Variants in PARP8 observed in about 807,000 individuals in gnomAD.
PARP8 encodes poly(ADP-ribose) polymerase family member 8.
PARP8 carries 51 observed loss-of-function variants against 124.1 expected under a neutral mutation model. The ratio of observed to expected loss-of-function variants is 0.41; its 90% CI spans 0.33 to 0.52. The LOEUF (loss-of-function observed/expected upper bound fraction) is 0.52. PARP8 is among the 20% of genes least tolerant of loss of function. The pLI is 0.21. For synonymous variants in PARP8, 391 were observed against 361.5 expected (o/e 1.08, Z -0.93); for missense variants, 860 against 1,018.9 (o/e 0.84, Z 2.12).
chr5:50,710,254 T>TTA (rs1306921933), intron 2 of PARP8, among the ~76,000 whole-genome samples: 1 of 151,966 alleles, frequency 6.6e-6, no homozygotes, highest in Non-Finnish European at 1.5e-5. Context: ...TTTGCTGCTG[T>TTA]TATCATAGGG....
chr5:50,779,935 T>A (rs1052730406), intron 9 of PARP8, among the ~76,000 whole-genome samples: 1 of 152,172 alleles, frequency 6.6e-6, no homozygotes, highest in African/African-American at 2.4e-5. Flanking sequence ...AATTACATAT[T>A]CTAACTGATT....
intron 2 of PARP8, among the ~76,000 whole-genome samples, chr5:50,692,333 G>A (rs1028281716): frequency 6.6e-6 from 1 of 151,646 alleles, no homozygotes; most frequent in Non-Finnish European, 1.5e-5. Flanking sequence ...GTCTATTCCT[G>A]TTTATTTCAG....
At chr5:50,755,912 G>T (rs541551764) in intron 3 of PARP8, among the ~76,000 whole-genome samples, 480 of 152,146 alleles carry the variant, frequency 3.2e-3, no homozygotes, top group Non-Finnish European at 4.6e-3. Flanking sequence ...TTGTAAGTTG[G>T]ATTCCTAGGT....
intron 15 of PARP8, among the ~76,000 whole-genome samples, chr5:50,816,793 G>A (rs867670456): frequency 6.6e-6 from 1 of 152,012 alleles, no homozygotes; most frequent in African/African-American, 2.4e-5. Context: ...TACTTAGAGG[G>A]TTACTAAAAT....
At chr5:50,788,643 CA>C in intron 10 of PARP8, 54 bp downstream of exon 10, 1 of 1,424,874 alleles carries the variant, frequency 7.0e-7, no homozygotes, top group Non-Finnish European at 9.7e-7. Flanking sequence ...ACTGAGTTCT[CA>C]TTTTGTTCAT....
chr5:50,759,622 C>CTTT (rs4029424), intron 3 of PARP8, 21 bp from the exon 4 acceptor site: 47,858 of 1,310,848 alleles, frequency 0.037, 383 homozygotes, highest in Non-Finnish European at 0.038. Flanking sequence ...CTTTCATTAT[C>CTTT]TTTTTTTTTT....
At chr5:50,764,813 CTTTTTT>C (rs5867717) in intron 7 of PARP8, among the ~76,000 whole-genome samples, 1 of 138,530 alleles carries the variant, frequency 7.2e-6, no homozygotes, top group African/African-American at 2.6e-5. Flanking sequence ...GTGTTTTTTT[CTTTTTT>C]TTTTTTTTAA....
intron 2 of PARP8, among the ~76,000 whole-genome samples, chr5:50,724,937 G>C (rs1468714609): frequency 6.6e-6 from 1 of 151,900 alleles, no homozygotes; most frequent in African/African-American, 2.4e-5. Flanking sequence ...CCACTTTTAA[G>C]TGAAAACGTA....
intron 9 of PARP8, among the ~76,000 whole-genome samples, chr5:50,785,487 C>A (rs1741149207): frequency 6.6e-6 from 1 of 152,150 alleles, no homozygotes; most frequent in African/African-American, 2.4e-5. Flanking sequence ...CCCACTTTTT[C>A]TGTCTGCCTC....
chr5:50,759,756 A>T, intron 4 of PARP8, 24 bp downstream of exon 4: 1 of 1,536,594 alleles, frequency 6.5e-7, no homozygotes, highest in Admixed American at 2.4e-5. Flanking sequence ...TATTTTTTAT[A>T]CTAGGTTAAT....
chr5:50,716,592 T>G (rs1755343696), intron 2 of PARP8, among the ~76,000 whole-genome samples: 1 of 152,118 alleles, frequency 6.6e-6, no homozygotes, highest in Non-Finnish European at 1.5e-5. Flanking sequence ...ATTTTAAAAT[T>G]CAGCTTATGT....
chr5:50,729,020 A>T (rs1459308196), intron 2 of PARP8, among the ~76,000 whole-genome samples: 3 of 152,028 alleles, frequency 2.0e-5, no homozygotes, highest in Admixed American at 2.0e-4. Flanking sequence ...TTACTTAGAT[A>T]TGTGATAATT....
At chr5:50,744,189 A>G (rs1446573875) in intron 2 of PARP8, among the ~76,000 whole-genome samples, 1 of 152,206 alleles carries the variant, frequency 6.6e-6, no homozygotes, top group East Asian at 1.9e-4. Context: ...TCCAATCTTT[A>G]TTACATAGAG....
chr5:50,809,000 A>G (rs1035833832), intron 14 of PARP8, among the ~76,000 whole-genome samples: 26 of 150,638 alleles, frequency 1.7e-4, no homozygotes, highest in African/African-American at 4.9e-4. Context: ...TATGCCAAAA[A>G]ACTTTTAGTT....
chr5:50,666,907 C>CCTG lies in PARP8; in HGVS notation c.-187_-186insGCT. On this transcript the variant is annotated 5_prime_UTR_variant, in exon 1 of 26. Transcript: ENST00000281631. ...GGGAATGCAAAGCCGACCTCCCCCT[C>CCTG]CTCCTCCTCCTCCCCCTCCTCCTCC... 1 of 1,326,762 alleles carries CCTG rather than the reference C, an allele frequency of 7.5e-7. No individual in the cohort carries two copies. The highest frequency in any genetic ancestry group is 3.4e-5 in the East Asian group (1 of 29,634). The allele number at this position is 1,326,762 out of a possible 1,614,324, so 82.2% of individuals were successfully genotyped here.
chr5:50,744,954 GT>G (rs1284124505), intron 2 of PARP8: 4 of 544,556 alleles, frequency 7.3e-6, no homozygotes, highest in Admixed American at 3.1e-5. Context: ...TTCTTTCCAC[GT>G]TTTTTTGGTA....
At chr5:50,816,504 G>A (rs1745120906) in intron 15 of PARP8, among the ~76,000 whole-genome samples, 1 of 152,118 alleles carries the variant, frequency 6.6e-6, no homozygotes, top group South Asian at 2.1e-4. Flanking sequence ...TAGAGCTTAG[G>A]AATGTACACA....
intron 19 of PARP8, 31 bp downstream of exon 19, chr5:50,826,834 A>T: frequency 6.3e-7 from 1 of 1,585,056 alleles, no homozygotes; most frequent in Non-Finnish European, 8.5e-7. Context: ...TTACATATGC[A>T]TACAGAAATG....
intron 22 of PARP8, 102 bp from the exon 23 acceptor site, chr5:50,832,679 C>A: frequency 3.4e-6 from 4 of 1,169,520 alleles, no homozygotes; most frequent in East Asian, 5.0e-5. Flanking sequence ...CTAATGTGAT[C>A]AAACCTTTAC....
Sources: allele counts gnomAD v4.1 joint callset (sites outside exome capture counted in the v4.1 genomes callset), GRCh38; gene constraint gnomAD v4.1.1; transcripts MANE v1.5; gene names NCBI Gene and HGNC (gene_info 2026-07-23, HGNC 2026-07-21).